MTMR6: variants seen among roughly 807,000 people sequenced by gnomAD.
MTMR6 encodes myotubularin related protein 6, also known as phosphatidylinositol-3,5-bisphosphate 3-phosphatase MTMR6.
Under a neutral mutation model 80.1 loss-of-function variants are expected in MTMR6, and 47 were observed. That is an observed-to-expected ratio of 0.59 (90% CI 0.46 to 0.75). The LOEUF is 0.75. Ranked by LOEUF, MTMR6 falls within the 30% of genes least tolerant of loss-of-function variation. The pLI is 0.00. For missense variants in MTMR6, 629 were observed against 730.9 expected (o/e 0.86, Z 1.61); for synonymous variants, 254 against 253.0 (o/e 1.00, Z -0.04).
rs1490420595 is a variant in MTMR6 at position 25,249,106 on chromosome 13, A to T, written c.*126T>A. ...CAAGGGTAGTTATTATCCTTCCTTC[A>T]ACTATTAGCCTACTGTTAAACCCTA... On this transcript the variant is annotated 3_prime_UTR_variant, in exon 14 of 14. Coordinates refer to ENST00000381801, the MANE Select transcript of MTMR6 (RefSeq NM_004685.5). 9 of 956,164 alleles carry T rather than the reference A, an allele frequency of 9.4e-6. No individual in the cohort carries two copies. Among genetic ancestry groups the T allele is most frequent in the Non-Finnish European group, 1.4e-5 (9 of 653,120 alleles). 59.2% of individuals were successfully genotyped at this position (956,164 alleles called of 1,614,324 possible).
chr13:25,266,317 G>C, intron 3 of MTMR6, 31 bp from the exon 4 acceptor site: 1 of 1,558,142 alleles, frequency 6.4e-7, no homozygotes, highest in Non-Finnish European at 8.8e-7. Context: ...AATGTTAAGT[G>C]CAATTTATAA....
chr13:25,261,828 A>C (rs761878484), intron 5 of MTMR6, 26 bp from the exon 6 acceptor site: 1 of 1,595,854 alleles, frequency 6.3e-7, no homozygotes, highest in Non-Finnish European at 8.5e-7. Context: ...CAGAAAAGAG[A>C]TTATGCAAAG....
chr13:25,287,447 C>A lies in MTMR6; in HGVS notation c.-200G>T. 1.5e-6 allele frequency: 1 copy of A among 649,742 alleles called. No individual in the cohort carries two copies. Among genetic ancestry groups the A allele is most frequent in the East Asian group, 2.8e-5 (1 of 35,518 alleles). The allele number at this position is 649,742 out of a possible 1,614,324, so 40.2% of individuals were successfully genotyped here. A position where few individuals can be genotyped will look rare whatever the true frequency, so the allele number is the denominator to read the frequency against. ...CCTAGAAACACTTCCCCAAACCCCG[C>A]GGCCTCCCGGGGGACTCGGGGCAGG... On this transcript the variant is annotated 5_prime_UTR_variant, in exon 1 of 14. Coordinates refer to ENST00000381801, the MANE Select transcript of MTMR6 (RefSeq NM_004685.5).
At chr13:25,286,015 G>A (rs578228045) in intron 1 of MTMR6, among the ~76,000 whole-genome samples, 37 of 152,032 alleles carry the variant, frequency 2.4e-4, no homozygotes, top group Admixed American at 6.6e-4. Context: ...CACCTTCTAC[G>A]AGTTTGGTTA....
At chr13:25,282,587 C>CTTCTTTTTTCTTTT (rs140357614) in intron 1 of MTMR6, among the ~76,000 whole-genome samples, 1 of 149,506 alleles carries the variant, frequency 6.7e-6, no homozygotes, top group Non-Finnish European at 1.5e-5. Flanking sequence ...TGCTCGCCCT[C>CTTCTTTTTTCTTTT]TTCTTTTTTC....
chr13:25,250,448 T>C (rs1223728896), intron 13 of MTMR6, among the ~76,000 whole-genome samples: 1 of 152,266 alleles, frequency 6.6e-6, no homozygotes, highest in Non-Finnish European at 1.5e-5. Context: ...GTGCCTGGCA[T>C]ATAAACAACT....
At chr13:25,286,314 T>C (rs1172350092) in intron 1 of MTMR6, among the ~76,000 whole-genome samples, 2 of 152,204 alleles carry the variant, frequency 1.3e-5, no homozygotes, top group African/African-American at 2.4e-5. Flanking sequence ...AATTTTAAGA[T>C]GGGCAGCAAC....
chr13:25,285,112 A>G (rs1957928421), intron 1 of MTMR6, among the ~76,000 whole-genome samples: 1 of 152,224 alleles, frequency 6.6e-6, no homozygotes, highest in African/African-American at 2.4e-5. Flanking sequence ...TCAGAGCATT[A>G]CTTGAAGAAA....
rs1491106020 is a variant in MTMR6 at position 25,264,775 on chromosome 13, A to AAAAAAAG, written c.591+1043_591+1044insCTTTTTT. ...TCTCAAAAAAAAAAAAAAAAAAAAAAGAAATTTCAGAACACTGGGGAAAAA... is the reference window on the plus strand; with the variant it reads ...TCTCAAAAAAAAAAAAAAAAAAAAAAAAAAAAGGAAATTTCAGAACACTGGGGAAAAA... On this transcript the variant is annotated intron_variant, in intron 5 of 13. Transcript: ENST00000381801. Among the ~76,000 whole-genome samples the AAAAAAAG allele has an allele frequency of 5.2e-4, 69 of 133,702 alleles. 4 individuals are homozygous for AAAAAAAG. Among genetic ancestry groups the AAAAAAAG allele is most frequent in the East Asian group, 1.3e-3 (5 of 3,870 alleles). The allele number at this position is 133,702 out of a possible 152,430, so 87.7% of individuals were successfully genotyped here.
chr13:25,270,341 C>A (rs1432700088), intron 2 of MTMR6, among the ~76,000 whole-genome samples: 2 of 152,164 alleles, frequency 1.3e-5, no homozygotes, highest in Non-Finnish European at 2.9e-5. Context: ...ATGTTCATTT[C>A]TATGGCTCTA....
At chr13:25,284,248 T>C (rs1370603268) in intron 1 of MTMR6, among the ~76,000 whole-genome samples, 1 of 152,202 alleles carries the variant, frequency 6.6e-6, no homozygotes, top group Non-Finnish European at 1.5e-5. Flanking sequence ...GGAAAGAGCA[T>C]ACATAGTCTT....
rs372326300 is a variant in MTMR6 at position 25,267,793 on chromosome 13, T to A, written c.290A>T (p.Gln97Leu). 3.1e-6 allele frequency: 5 copies of A among 1,613,280 alleles called. No homozygotes were observed. In the African/African-American group the frequency reaches 6.7e-5, roughly 22 times the overall value. ...AAGAACAATACCTTGTTTTGACAGT[T>A]GTAGCAAAGAGTTGTAAATATCATG... ...DCHDIYNSLLQLSKQAKYEDL... is the reference protein window; with the variant it reads ...DCHDIYNSLLLLSKQAKYEDL... Residue 97 changes from glutamine (Q) to leucine (L), a missense_variant, in exon 3 of 14, where the codon CAA becomes CTA. Coordinates refer to ENST00000381801, the MANE Select transcript of MTMR6 (RefSeq NM_004685.5).
chr13:25,264,753 C>CAAAAAAAAAAAAAAAAAAAAAAAA, intron 5 of MTMR6, among the ~76,000 whole-genome samples: 1 of 33,492 alleles, frequency 3.0e-5, no homozygotes, highest in Non-Finnish European at 6.8e-5. Context: ...AACTCCATCT[C>CAAAAAAAAAAAAAAAAAAAAAAAA]AAAAAAAAAA....
intron 1 of MTMR6, among the ~76,000 whole-genome samples, chr13:25,279,283 AT>A (rs1957792569): frequency 6.6e-6 from 1 of 151,878 alleles, no homozygotes; most frequent in African/African-American, 2.4e-5. Context: ...ATGAGTTCTA[AT>A]GGTTTTAAAG....
At position 25,246,856 on chromosome 13, in the gene MTMR6, A is replaced by T. The variant is rs559191553; in HGVS notation, c.*2376T>A. On this transcript the variant is annotated 3_prime_UTR_variant, in exon 14 of 14. Coordinates refer to ENST00000381801, the MANE Select transcript of MTMR6 (RefSeq NM_004685.5). ...TTTTCAAAACACCCTCAATAAAATT[A>T]TCCTCTTGTCAGCCAGTTATTTTCT... 6.6e-6 allele frequency: 1 copy of T among 152,496 alleles called. No individual in the cohort carries two copies. The highest frequency in any genetic ancestry group is 1.5e-5 in the Non-Finnish European group (1 of 68,032). The allele number at this position is 152,496 out of a possible 1,614,324, so 9.4% of individuals were successfully genotyped here. A position where few individuals can be genotyped will look rare whatever the true frequency, so the allele number is the denominator to read the frequency against.
rs180953907 is a variant in MTMR6 at position 25,275,600 on chromosome 13, G to A, written c.25-1413C>T. Reference sequence around the variant, plus strand: ...ATTACCGCCGGGTGTGGTGGCTCACGCCTGTAATCCCAGCACTTTGGGAGG... The same window carrying A: ...ATTACCGCCGGGTGTGGTGGCTCACACCTGTAATCCCAGCACTTTGGGAGG... On this transcript the variant is annotated intron_variant, in intron 1 of 13. Transcript: ENST00000381801. Among the ~76,000 whole-genome samples the A allele has an allele frequency of 2.8e-3, 423 of 151,898 alleles. 3 individuals carry two copies. Among genetic ancestry groups the A allele is most frequent in the African/African-American group, 9.8e-3 (406 of 41,416 alleles).
At chr13:25,283,141 C>G (rs1365082249) in intron 1 of MTMR6, among the ~76,000 whole-genome samples, 1 of 139,210 alleles carries the variant, frequency 7.2e-6, no homozygotes. Flanking sequence ...TCTGTTCTTA[C>G]TCACACTGCC....
rs778804235 is a variant in MTMR6 at position 25,257,206 on chromosome 13, T to G, written c.1085A>C (p.Lys362Thr). The G allele has an allele frequency of 6.2e-7, 1 of 1,613,422 alleles. No individual in the cohort carries two copies. Among genetic ancestry groups the G allele is most frequent in the South Asian group, 1.1e-5 (1 of 91,010 alleles). The change falls in exon 9 of 14, where the codon AAA (lysine) becomes ACA (threonine). Residue 362 changes from lysine to threonine, a missense_variant. Transcript: ENST00000381801. ...CAAATAAATCCTTACCATGAATCCT[T>G]TGATTGTCCTGTAGTAGGAATCCAA... Reference protein sequence around the residue: ...LLLDSYYRTIKGFMVLIEKDW... With the variant: ...LLLDSYYRTITGFMVLIEKDW...
chr13:25,268,267 T>C (rs1957499065), intron 2 of MTMR6, among the ~76,000 whole-genome samples: 1 of 152,174 alleles, frequency 6.6e-6, no homozygotes, highest in Admixed American at 6.5e-5. Context: ...CCTGAACTAC[T>C]ATAAACAAAC....
Sources: gnomAD v4.1 joint callset for allele counts (sites outside exome capture counted in the v4.1 genomes callset) on GRCh38, gnomAD v4.1.1 for gene constraint, MANE v1.5 for transcripts, NCBI Gene and HGNC (gene_info 2026-07-23, HGNC 2026-07-21) for gene names.